Variants in MYO18A observed in about 807,000 individuals in gnomAD.
MYO18A encodes myosin XVIIIA.
In MYO18A, 78 loss-of-function variants were observed where a neutral mutation model predicts 235.8. The ratio of observed to expected loss-of-function variants is 0.33; its 90% CI spans 0.28 to 0.40. The LOEUF (loss-of-function observed/expected upper bound fraction) is 0.40, where lower values mean the gene tolerates loss of function less well. MYO18A is among the 10% of genes least tolerant of loss of function. The pLI, the probability that MYO18A is intolerant of heterozygous loss-of-function variation, is 1.00. For synonymous variants in MYO18A, 977 were observed against 1,077.8 expected (o/e 0.91, Z 1.83); for missense variants, 2,215 against 2,699.3 (o/e 0.82, Z 3.98).
intron 22 of MYO18A, 42 bp from the exon 23 acceptor site, chr17:29,099,011 C>A: frequency 6.2e-7 from 1 of 1,608,566 alleles, no homozygotes; most frequent in South Asian, 1.1e-5. Flanking sequence ...GGCTCTCAGT[C>A]ACCCTGGCCA....
intron 41 of MYO18A, chr17:29,078,962 T>C (rs889238869): frequency 6.6e-6 from 1 of 152,458 alleles, no homozygotes; most frequent in Admixed American, 6.5e-5. Context: ...AGGCATCTCC[T>C]GGGTCTGCTG....
Position 29,118,266 on chromosome 17 carries a change from G to C in MYO18A, c.1894-77C>G. 6.4e-7 allele frequency: 1 copy of C among 1,555,264 alleles called. No individual in the cohort carries two copies. Among genetic ancestry groups the C allele is most frequent in the Non-Finnish European group, 8.7e-7 (1 of 1,145,254 alleles). ...AGGCTGGGCCCTCAGGGCAAGGCTT[G>C]GGTAGAGCCAGCAGCTGGAGCTGGG... is the stretch of plus-strand genomic sequence containing the variant. On this transcript the variant is annotated intron_variant, in intron 9 of 41. Transcript: ENST00000527372. This position sits in a 1 kb window ranked among gnomAD's most constrained non-coding sequence, Gnocchi z 4.2.
intron 2 of MYO18A, among the ~76,000 whole-genome samples, chr17:29,155,762 C>T (rs1453923428): frequency 2.6e-5 from 4 of 152,344 alleles, no homozygotes; most frequent in African/African-American, 7.2e-5. Flanking sequence ...CCCTCCCTGA[C>T]TCATGTTCAC....
chr17:29,179,897 T>C (rs2068610848), intron 1 of MYO18A, among the ~76,000 whole-genome samples: 1 of 151,856 alleles, frequency 6.6e-6, no homozygotes, highest in African/African-American at 2.4e-5. Flanking sequence ...CGCCCCGCTC[T>C]CTCGCTCGCT....
In MYO18A at chr17:29,125,792, T is replaced by A. The variant is rs1426746419; in HGVS notation, c.1000-3539A>T. The A allele has an allele frequency of 8.3e-6, 4 of 481,916 alleles. No homozygotes were observed. Among genetic ancestry groups the A allele is most frequent in the Non-Finnish European group, 8.1e-6 (3 of 368,500 alleles). 29.9% of individuals were successfully genotyped at this position (481,916 alleles called of 1,614,324 possible). ...GGGCCCACAGGCCGCCATGGAGCCA[T>A]CTTCATGGTCAGCGCGCCTACAGAC... On this transcript the variant is annotated intron_variant, in intron 2 of 41. Transcript: ENST00000527372. The surrounding 1 kb of genome is among the most constrained non-coding windows in gnomAD (Gnocchi z 5.1).
chr17:29,103,559 C>T (rs1376212192), intron 21 of MYO18A, 40 bp downstream of exon 21: 1 of 1,609,370 alleles, frequency 6.2e-7, no homozygotes, highest in Non-Finnish European at 8.5e-7. Flanking sequence ...ACAGGGGCCC[C>T]TGGAGTGAGG....
At chr17:29,151,932 G>A (rs2067971593) in intron 2 of MYO18A, among the ~76,000 whole-genome samples, 1 of 152,170 alleles carries the variant, frequency 6.6e-6, no homozygotes, top group South Asian at 2.1e-4. Context: ...ATGAAGCAAA[G>A]GAGGAGTAGG....
chr17:29,098,033 T>C, intron 25 of MYO18A, 72 bp downstream of exon 25: 2 of 1,592,104 alleles, frequency 1.3e-6, no homozygotes, highest in Non-Finnish European at 1.7e-6. Context: ...CCAACTGTCT[T>C]TGGGGGGAGC....
chr17:29,078,870 A>G (rs1340841259), intron 41 of MYO18A: 1 of 152,280 alleles, frequency 6.6e-6, no homozygotes, highest in African/African-American at 2.4e-5. Context: ...GCTAATTTCT[A>G]TTCATTAGAA....
intron 38 of MYO18A, 21 bp downstream of exon 38, chr17:29,086,915 G>C: frequency 2.5e-6 from 4 of 1,602,932 alleles, no homozygotes; most frequent in Non-Finnish European, 2.6e-6. Context: ...TGTGGGCCCC[G>C]TGGGGGACAG....
chr17:29,076,420 G>A (rs1255281435), intron 41 of MYO18A: 5 of 151,832 alleles, frequency 3.3e-5, no homozygotes, highest in South Asian at 2.1e-4. Flanking sequence ...AAGAAAGGTC[G>A]GTCTCTATCC....
rs1281260287 is a variant in MYO18A at position 29,076,131 on chromosome 17, G to A, written c.6021-1217C>T. The A allele has an allele frequency of 3.2e-5, 5 of 154,360 alleles. No individual in the cohort carries two copies. The East Asian group carries it at 9.6e-4, about 30-fold the overall frequency. 9.6% of individuals were successfully genotyped at this position (154,360 alleles called of 1,614,324 possible). A position where few individuals can be genotyped will look rare whatever the true frequency, so the allele number is the denominator to read the frequency against. On this transcript the variant is annotated intron_variant, in intron 41 of 41. Coordinates refer to ENST00000527372, the MANE Select transcript of MYO18A (RefSeq NM_078471.4). ...AGATTTGGTCACTGAGTACTCCTAT[G>A]TGTAAGACACGGCCTAGGCATGTGA...
chr17:29,092,364 G>A lies in MYO18A; in HGVS notation c.5166C>T (p.Asp1722=), dbSNP rs770459636. The A allele has an allele frequency of 3.1e-6, 5 of 1,611,180 alleles. No homozygotes were observed. The Admixed American group carries it at 8.3e-5, about 27-fold the overall frequency. Residue 1722 remains aspartate, a synonymous_variant, in exon 34 of 42, where the codon GAC becomes GAT. Transcript: ENST00000527372. ...TCACCGCTGTCTTGGCTTTGGCGAT[G>A]TCATCAATCTGCAGGTGCAGGTCTT... ...EIEDLHLQID[D]IAKAKTALEE...
At chr17:29,151,298 T>C (rs1182054233) in intron 2 of MYO18A, among the ~76,000 whole-genome samples, 2 of 152,132 alleles carry the variant, frequency 1.3e-5, no homozygotes, top group Admixed American at 1.3e-4. Flanking sequence ...TCAAATAAAA[T>C]TTAAGGTTCA....
At position 29,110,110 on chromosome 17, in the gene MYO18A, G is replaced by A. The variant is rs1052022415; in HGVS notation, c.3088-9C>T. On this transcript the variant is annotated splice_polypyrimidine_tract_variant and intron_variant, in intron 18 of 41. Transcript: ENST00000527372. ...GTGTCGATGAGGGCGTCCTGCCGAG[G>A]GGAAGAGACTGCCCTCAGTGGGCTC... 4.4e-6 allele frequency: 7 copies of A among 1,607,346 alleles called. No homozygotes were observed. The highest frequency in any genetic ancestry group is 3.3e-4 in the Middle Eastern group (2 of 6,032).
intron 2 of MYO18A, chr17:29,128,332 AC>A: frequency 8.7e-6 from 11 of 1,265,350 alleles, no homozygotes; most frequent in Non-Finnish European, 1.1e-5. Context: ...GCAGCACCTT[AC>A]TCACCACCTT....
chr17:29,166,931 G>A lies in MYO18A; in HGVS notation c.10C>T (p.Leu4=). 6.5e-7 allele frequency: 1 copy of A among 1,538,846 alleles called. No homozygotes were observed. The highest frequency in any genetic ancestry group is 1.2e-5 in the South Asian group (1 of 82,254). Residue 4 remains leucine (L), a synonymous_variant, in exon 2 of 42, where the codon CTA becomes TTA. Coordinates refer to ENST00000527372, the MANE Select transcript of MYO18A (RefSeq NM_078471.4). MFN[L]MKKDKDKDGG... ...TCTTTGTCCTTGTCTTTCTTCATTA[G>A]GTTAAACATGGTGGGGGTGCTGTTT...
chr17:29,118,005 CA>C lies in MYO18A; in HGVS notation c.2038+39del, dbSNP rs777390277. On this transcript the variant is annotated intron_variant, in intron 10 of 41. Transcript: ENST00000527372. This position sits in a 1 kb window ranked among gnomAD's most constrained non-coding sequence, Gnocchi z 4.2. ...TGGGCAGGGTCCCTGTGAGGTCACC[CA>C]GGGGACAGGCCAGCCTACTGGGACC... 1.1e-4 allele frequency: 172 copies of C among 1,556,900 alleles called. 1 individual carries two copies. The South Asian group carries it at 1.9e-3, about 18-fold the overall frequency.
At chr17:29,172,380 G>A (rs891671402) in intron 1 of MYO18A, among the ~76,000 whole-genome samples, 11 of 151,802 alleles carry the variant, frequency 7.2e-5, no homozygotes, top group African/African-American at 1.7e-4. Context: ...CAGGAGAATC[G>A]CTGAAACCTG....
Sources: gnomAD v4.1 joint callset for allele counts (sites outside exome capture counted in the v4.1 genomes callset) on GRCh38, gnomAD v4.1.1 for gene constraint, Gnocchi (gnomAD v3.1) non-coding constraint, MANE v1.5 for transcripts, NCBI Gene and HGNC (gene_info 2026-07-23, HGNC 2026-07-21) for gene names.